DOCK8: variants seen among roughly 807,000 people sequenced by gnomAD.
DOCK8 encodes the protein dedicator of cytokinesis 8.
In DOCK8, 141 loss-of-function variants were observed where a neutral mutation model predicts 245.6. The observed-to-expected ratio is 0.57, with a 90% CI of 0.50 to 0.66. The LOEUF is 0.66. Among genes scored for constraint, DOCK8 ranks in the 30% least tolerant of loss-of-function variants. DOCK8 has a pLI of 0.00. For missense variants in DOCK8, 2,965 were observed against 2,603.4 expected (o/e 1.14, Z -3.02); for synonymous variants, 1,168 against 970.2 (o/e 1.20, Z -3.79).
intron 1 of DOCK8, among the ~76,000 whole-genome samples, chr9:269,105 C>A (rs2048098681): frequency 6.6e-6 from 1 of 152,178 alleles, no homozygotes; most frequent in Non-Finnish European, 1.5e-5. Flanking sequence ...CCCATGTGTA[C>A]AGTTCAGTGA....
intron 4 of DOCK8, among the ~76,000 whole-genome samples, chr9:298,655 CAG>C (rs146339791): frequency 9.5e-4 from 103 of 108,204 alleles, no homozygotes; most frequent in Non-Finnish European, 1.1e-3. Flanking sequence ...GTGTGTGTGT[CAG>C]AGAGAGAGAG....
At chr9:234,434 G>A (rs10114321) in intron 1 of DOCK8, among the ~76,000 whole-genome samples, 12,334 of 152,140 alleles carry the variant, frequency 0.081, 551 homozygotes, top group African/African-American at 0.13. Context: ...CTGAATTTCA[G>A]TGTTGGCCTG....
At chr9:214,354 A>G (rs927258840), upstream of DOCK8, 16 of 689,032 alleles carry the variant, frequency 2.3e-5, no homozygotes, top group Non-Finnish European at 3.1e-5. Flanking sequence ...TATTCCTTGG[A>G]TGAATCCATT....
intron 9 of DOCK8, among the ~76,000 whole-genome samples, chr9:329,846 T>C (rs2050928943): frequency 6.6e-6 from 1 of 152,270 alleles, no homozygotes; most frequent in Non-Finnish European, 1.5e-5. Flanking sequence ...TTCAAATGTA[T>C]AAATGTGTTC....
chr9:217,424 G>A (rs2046781999), intron 1 of DOCK8, among the ~76,000 whole-genome samples: 1 of 152,142 alleles, frequency 6.6e-6, no homozygotes, highest in Non-Finnish European at 1.5e-5. Context: ...CCTTCCATCT[G>A]GTGCTGAGAA....
chr9:390,578 G>T lies in DOCK8; in HGVS notation c.2970+12G>T. On this transcript the variant is annotated intron_variant, in intron 24 of 47. Coordinates refer to ENST00000432829, the MANE Select transcript of DOCK8 (RefSeq NM_203447.4). ...TCTTTGAGCTTCTGGTGAGATTCTT[G>T]CGCGTTTGTATCTGTGCTCAATAGG... The T allele has an allele frequency of 6.2e-7, 1 of 1,612,728 alleles. No homozygotes were observed. The highest frequency in any genetic ancestry group is 8.5e-7 in the Non-Finnish European group (1 of 1,178,776).
At position 340,200 on chromosome 9, in the gene DOCK8, A is replaced by C. The variant is rs1423486716; in HGVS notation, c.1558A>C (p.Asn520His). Residue 520 changes from asparagine to histidine, a missense_variant, in exon 14 of 48, where the codon AAT (asparagine) becomes CAT (histidine). Transcript: ENST00000432829. ...GATTTCTACAGCTCCAGAGATCATCAATTGCTGTCTGACTCCTGAAATGCT... is the reference window on the plus strand; with the variant it reads ...GATTTCTACAGCTCCAGAGATCATCCATTGCTGTCTGACTCCTGAAATGCT... Reference protein sequence around the residue: ...LEISTAPEIINCCLTPEMLPV... With the variant: ...LEISTAPEIIHCCLTPEMLPV... The C allele has an allele frequency of 1.2e-6, 2 of 1,614,128 alleles. No homozygotes were observed. The highest frequency in any genetic ancestry group is 3.3e-5 in the Admixed American group (2 of 60,018).
intron 26 of DOCK8, among the ~76,000 whole-genome samples, chr9:400,076 TCAC>T (rs1216723859): frequency 1.4e-4 from 3 of 21,588 alleles, no homozygotes; most frequent in East Asian, 1.4e-3. Context: ...ACCATCACCA[TCAC>T]CACCACCTCC....
At chr9:243,326 T>G (rs571992826) in intron 1 of DOCK8, among the ~76,000 whole-genome samples, 13 of 152,290 alleles carry the variant, frequency 8.5e-5, no homozygotes, top group African/African-American at 3.1e-4. Flanking sequence ...TGAGTGCTAC[T>G]GACATTGTGA....
chr9:327,894 C>G, intron 8 of DOCK8, 128 bp from the exon 9 acceptor site: 5 of 860,542 alleles, frequency 5.8e-6, no homozygotes, highest in Non-Finnish European at 9.7e-6. Flanking sequence ...TTTCCTAAAC[C>G]ACATCTGTGA....
chr9:271,739 A>G lies in DOCK8; in HGVS notation c.156+10A>G, dbSNP rs1475127333. 1 of 1,540,972 alleles carries G rather than the reference A, an allele frequency of 6.5e-7. No homozygotes were observed. Among genetic ancestry groups the G allele is most frequent in the Non-Finnish European group, 8.8e-7 (1 of 1,137,434 alleles). ...CCCCTCTCTTCAACTAGTAAGTATG[A>G]GTTCCAGGTTTACTTAGCGATTGGT... On this transcript the variant is annotated intron_variant, in intron 2 of 47. Transcript: ENST00000432829.
chr9:330,948 G>A (rs1380404059), intron 9 of DOCK8, among the ~76,000 whole-genome samples: 1 of 152,162 alleles, frequency 6.6e-6, no homozygotes, highest in Non-Finnish European at 1.5e-5. Flanking sequence ...GACTTCTCCT[G>A]CTTCCTGTAT....
intron 44 of DOCK8, 117 bp from the exon 45 acceptor site, chr9:449,667 A>G: frequency 7.6e-7 from 1 of 1,312,808 alleles, no homozygotes; most frequent in Non-Finnish European, 1.1e-6. Flanking sequence ...AATTACTCTG[A>G]AAGTCTTTCC....
At chr9:316,763 T>C (rs865963878) in intron 6 of DOCK8, among the ~76,000 whole-genome samples, 2 of 152,220 alleles carry the variant, frequency 1.3e-5, no homozygotes, top group Non-Finnish European at 2.9e-5. Context: ...TGGTGGATGT[T>C]ACTAAGCCAT....
At chr9:277,977 T>A (rs1357835676) in intron 2 of DOCK8, among the ~76,000 whole-genome samples, 2 of 152,232 alleles carry the variant, frequency 1.3e-5, no homozygotes, top group Non-Finnish European at 2.9e-5. Context: ...CCTCTTTTAT[T>A]CTTCTGATTC....
At chr9:305,506 T>C (rs543673863) in intron 5 of DOCK8, among the ~76,000 whole-genome samples, 2,081 of 152,204 alleles carry the variant, frequency 0.014, 52 homozygotes, top group African/African-American at 0.047. Context: ...AGGATGGTCC[T>C]GATCTCCTGA....
intron 10 of DOCK8, among the ~76,000 whole-genome samples, chr9:333,565 C>T (rs1011234913): frequency 1.1e-4 from 16 of 150,786 alleles, no homozygotes; most frequent in South Asian, 2.1e-4. Flanking sequence ...CGTGCCACTG[C>T]ACTCCAGCCT....
intron 26 of DOCK8, among the ~76,000 whole-genome samples, chr9:400,554 T>TCACCACCAC (rs2054889439): frequency 1.9e-4 from 1 of 5,294 alleles, no homozygotes; most frequent in Non-Finnish European, 3.0e-4. Flanking sequence ...ACCACCAGCA[T>TCACCACCAC]CTTCACCATC....
intron 5 of DOCK8, among the ~76,000 whole-genome samples, chr9:307,109 C>T (rs560657148): frequency 1.2e-4 from 19 of 152,078 alleles, no homozygotes; most frequent in Non-Finnish European, 2.2e-4. Flanking sequence ...CCTTTGACCT[C>T]CTTGAACCAT....
Sources: allele counts gnomAD v4.1 joint callset (sites outside exome capture counted in the v4.1 genomes callset), GRCh38; gene constraint gnomAD v4.1.1; transcripts MANE v1.5; gene names NCBI Gene and HGNC (gene_info 2026-07-23, HGNC 2026-07-21).